The following C6 variants were observed in gnomAD, a reference collection of about 807,000 sequenced individuals.
The protein encoded by C6 is complement component C6.
In C6, 101 loss-of-function variants were observed where a neutral mutation model predicts 112.9. That is an observed-to-expected ratio of 0.89 (90% CI 0.76 to 1.06). The LOEUF (loss-of-function observed/expected upper bound fraction) is 1.06, where lower values mean the gene tolerates loss of function less well. Ranked by LOEUF, C6 falls within the 50% of genes least tolerant of loss-of-function variation. C6 has a pLI of 0.00. For synonymous variants in C6, 431 were observed against 384.1 expected (o/e 1.12, Z -1.43); for missense variants, 1,202 against 1,104.6 (o/e 1.09, Z -1.25).
At position 41,153,868 on chromosome 5, in the gene C6, G is replaced by A. The variant is rs754292116; in HGVS notation, c.2232C>T (p.Tyr744=). 73 of 1,613,608 alleles carry A rather than the reference G, an allele frequency of 4.5e-5. 1 individual carries two copies. The highest frequency in any genetic ancestry group is 3.6e-4 in the East Asian group (16 of 44,854). ...GTGTCCAGGAATTCCCCTGGCATGT[G>A]TACCTTGATGGCCCAGCAACAACAA... ...KGFVVAGPSR[Y]TCQGNSWTPP... is the part of the protein sequence containing the mutation. Residue 744 remains tyrosine (Y), a synonymous_variant, in exon 15 of 18, where the codon TAC becomes TAT. Transcript: ENST00000337836.
At chr5:41,226,554 T>C (rs923869186) in intron 1 of C6, among the ~76,000 whole-genome samples, 3 of 152,174 alleles carry the variant, frequency 2.0e-5, no homozygotes, top group Admixed American at 1.3e-4. Context: ...CCTGAACTTG[T>C]TCCTCCTGTC....
intron 9 of C6, among the ~76,000 whole-genome samples, chr5:41,165,546 TA>T: frequency 6.6e-6 from 1 of 152,316 alleles, no homozygotes; most frequent in South Asian, 2.1e-4. Flanking sequence ...TATTGCTTTT[TA>T]AAATATGTTC....
At chr5:41,245,094 G>A (rs182146972) in intron 1 of C6, among the ~76,000 whole-genome samples, 75 of 152,084 alleles carry the variant, frequency 4.9e-4, no homozygotes, top group African/African-American at 1.8e-3. Context: ...TTCATTAGTG[G>A]TCTGTGATTT....
rs1211820685 is a variant in C6 at position 41,172,303 on chromosome 5, T to G, written c.1213A>C (p.Lys405Gln). The G allele has an allele frequency of 6.2e-7, 1 of 1,613,634 alleles. No individual in the cohort carries two copies. Among genetic ancestry groups the G allele is most frequent in the Non-Finnish European group, 8.5e-7 (1 of 1,179,788 alleles). Residue 405 changes from lysine (K) to glutamine (Q), a missense_variant, in exon 9 of 18, where the codon AAG (lysine) becomes CAG (glutamine). Transcript: ENST00000337836. ...EAKHCVRIET[K>Q]KRVLFAKKTK... ...TTCTTAGCAAATAAAACGCGTTTCT[T>G]TGTTTCAATCCTGACACAGTGTTTG...
intron 5 of C6, among the ~76,000 whole-genome samples, chr5:41,186,652 A>G (rs1225224749): frequency 6.6e-6 from 1 of 152,108 alleles, no homozygotes; most frequent in Non-Finnish European, 1.5e-5. Flanking sequence ...TAATAATATT[A>G]TAGTTTTACT....
upstream of C6, among the ~76,000 whole-genome samples, chr5:41,217,906 A>T (rs1412923466): frequency 6.6e-6 from 1 of 152,132 alleles, no homozygotes; most frequent in Non-Finnish European, 1.5e-5. Context: ...TGTTGTCCCA[A>T]ACATCTTGAA....
chr5:41,215,827 A>C (rs1056644751), upstream of C6, among the ~76,000 whole-genome samples: 2 of 152,156 alleles, frequency 1.3e-5, no homozygotes, highest in Non-Finnish European at 2.9e-5. Context: ...TTTTCTGCCA[A>C]GAAAATAACC....
chr5:41,189,800 C>G (rs940033075), intron 5 of C6, among the ~76,000 whole-genome samples: 2 of 152,022 alleles, frequency 1.3e-5, no homozygotes, highest in Non-Finnish European at 2.9e-5. Flanking sequence ...TCTTGTAACC[C>G]TTATTCTAAT....
At chr5:41,222,501 A>G (rs984415213) in intron 1 of C6, among the ~76,000 whole-genome samples, 1 of 152,126 alleles carries the variant, frequency 6.6e-6, no homozygotes, top group Non-Finnish European at 1.5e-5. Context: ...TATCTTGGGT[A>G]TAAAAATGTC....
At chr5:41,230,959 C>A (rs1281972439) in intron 1 of C6, among the ~76,000 whole-genome samples, 1 of 152,118 alleles carries the variant, frequency 6.6e-6, no homozygotes, top group Non-Finnish European at 1.5e-5. Context: ...GATGGATTAA[C>A]CACTTTATCA....
intron 5 of C6, among the ~76,000 whole-genome samples, chr5:41,192,585 T>C (rs1406140146): frequency 6.6e-6 from 1 of 152,078 alleles, no homozygotes; most frequent in African/African-American, 2.4e-5. Flanking sequence ...CTATTTCTTC[T>C]TGATTCAATC....
upstream of C6, among the ~76,000 whole-genome samples, chr5:41,214,740 T>A (rs1238900762): frequency 1.3e-5 from 2 of 152,180 alleles, no homozygotes; most frequent in African/African-American, 4.8e-5. Flanking sequence ...AAAATAAAAT[T>A]CATTTGTCCT....
chr5:41,174,927 T>C (rs1400587667), intron 8 of C6, among the ~76,000 whole-genome samples: 1 of 152,224 alleles, frequency 6.6e-6, no homozygotes, highest in African/African-American at 2.4e-5. Context: ...TTTCATTTTC[T>C]TGAGAAGTCA....
intron 1 of C6, among the ~76,000 whole-genome samples, chr5:41,260,811 C>G (rs1052594266): frequency 2.0e-5 from 3 of 151,244 alleles, no homozygotes; most frequent in African/African-American, 7.3e-5. Context: ...ACCAAAAAAA[C>G]CCCTGCAACT....
At chr5:41,143,685 C>A (rs1338495233) in intron 17 of C6, among the ~76,000 whole-genome samples, 1 of 152,152 alleles carries the variant, frequency 6.6e-6, no homozygotes, top group Non-Finnish European at 1.5e-5. Flanking sequence ...ATGGTAGAAG[C>A]AGGATTTAAA....
chr5:41,185,528 G>T (rs1036141813), intron 6 of C6, among the ~76,000 whole-genome samples: 1 of 152,184 alleles, frequency 6.6e-6, no homozygotes, highest in Non-Finnish European at 1.5e-5. Context: ...GTTAGATTCT[G>T]AGAGTAGGTA....
At chr5:41,216,401 A>G (rs1291751984), upstream of C6, among the ~76,000 whole-genome samples, 2 of 151,936 alleles carry the variant, frequency 1.3e-5, no homozygotes, top group East Asian at 3.9e-4. Flanking sequence ...TTCCTCTATG[A>G]TTCTCTTCCT....
intron 9 of C6, among the ~76,000 whole-genome samples, chr5:41,165,880 G>A (rs879679960): frequency 2.0e-5 from 3 of 152,048 alleles, no homozygotes; most frequent in Non-Finnish European, 4.4e-5. Context: ...AAATTTAGGC[G>A]ATATGCAATG....
chr5:41,222,436 T>G (rs1739232325), intron 1 of C6, among the ~76,000 whole-genome samples: 1 of 152,040 alleles, frequency 6.6e-6, no homozygotes, highest in Non-Finnish European at 1.5e-5. Context: ...TTATATTTTT[T>G]ATTTTAATGT....
Sources: allele counts gnomAD v4.1 joint callset (sites outside exome capture counted in the v4.1 genomes callset), GRCh38; gene constraint gnomAD v4.1.1; transcripts MANE v1.5; gene names NCBI Gene and HGNC (gene_info 2026-07-23, HGNC 2026-07-21).